Variants in ABCC2 observed in about 807,000 individuals in gnomAD.
The protein encoded by ABCC2 is ATP-binding cassette sub-family C member 2.
A neutral mutation model predicts 173.4 loss-of-function variants in ABCC2; 157 were observed. The observed-to-expected ratio is 0.91, with a 90% CI of 0.80 to 1.03. The LOEUF is 1.03. ABCC2 is among the 50% of genes least tolerant of loss of function. The probability of loss-of-function intolerance (pLI) is 0.00; values close to 1 mark genes in which losing one functional copy is unlikely to be tolerated. For missense variants in ABCC2, 1,822 were observed against 1,852.3 expected (o/e 0.98, Z 0.30); for synonymous variants, 657 against 693.5 (o/e 0.95, Z 0.83).
intron 17 of ABCC2, among the ~76,000 whole-genome samples, chr10:99,818,198 AG>A: frequency 6.6e-6 from 1 of 150,624 alleles, no homozygotes; most frequent in Non-Finnish European, 1.5e-5. Flanking sequence ...ACTCCAGCCT[AG>A]GAGATGGAGC....
intron 30 of ABCC2, among the ~76,000 whole-genome samples, chr10:99,848,787 T>G (rs1382705958): frequency 6.6e-6 from 1 of 151,988 alleles, no homozygotes; most frequent in Non-Finnish European, 1.5e-5. Context: ...CCCAGGTGAT[T>G]TTAGTGTGTA....
Position 99,843,782 on chromosome 10 carries a change from T to G in ABCC2, c.3742-17T>G. 6.2e-7 allele frequency: 1 copy of G among 1,607,944 alleles called. No homozygotes were observed. The highest frequency in any genetic ancestry group is 8.5e-7 in the Non-Finnish European group (1 of 1,174,368). On this transcript the variant is annotated splice_polypyrimidine_tract_variant and intron_variant, in intron 26 of 31. Coordinates refer to ENST00000647814, the MANE Select transcript of ABCC2 (RefSeq NM_000392.5). ...TCTGTGCCTATGATGATTTTCAGTC[T>G]TCTGGTTTTTCTGTAGATCACACAA...
At chr10:99,795,787 GAAAGAAAGAAAGAA>G (rs1564672468) in intron 6 of ABCC2, among the ~76,000 whole-genome samples, 5,543 of 144,000 alleles carry the variant, frequency 0.038, 211 homozygotes, top group Non-Finnish European at 0.053. Flanking sequence ...AAGAAAGAAA[GAAAGAAAGAAAGAA>G]AGATTTCTAA....
intron 20 of ABCC2, 30 bp downstream of exon 20, chr10:99,830,463 G>A (rs776804125): frequency 5.6e-6 from 9 of 1,614,074 alleles, no homozygotes; most frequent in African/African-American, 1.3e-5. Context: ...GGCAGCCCTC[G>A]TCAGCTCTAT....
intron 2 of ABCC2, among the ~76,000 whole-genome samples, chr10:99,790,654 C>A (rs2037796849): frequency 6.6e-6 from 1 of 152,174 alleles, no homozygotes; most frequent in African/African-American, 2.4e-5. Flanking sequence ...AGCTTACCGC[C>A]TATGAAGCTA....
intron 10 of ABCC2, 22 bp from the exon 11 acceptor site, chr10:99,805,360 T>C (rs760767107): frequency 1.2e-6 from 2 of 1,608,580 alleles, no homozygotes; most frequent in Admixed American, 1.7e-5. Context: ...ATATTGTTTT[T>C]CTTTTGCTTT....
intron 4 of ABCC2, 68 bp from the exon 5 acceptor site, chr10:99,793,824 A>G (rs2037849456): frequency 6.4e-7 from 1 of 1,565,792 alleles, no homozygotes; most frequent in Non-Finnish European, 8.8e-7. Flanking sequence ...AAGCATTGAT[A>G]TATACGGGCC....
rs373894800 is a variant in ABCC2 at position 99,831,850 on chromosome 10, C to T, written c.3103+20C>T. On this transcript the variant is annotated intron_variant, in intron 22 of 31. Transcript: ENST00000647814. ...CCCAAGGTATGTCTGATGGCTATGA[C>T]ATCTTACAGAATCTGTCTGGACCCT... is the stretch of plus-strand genomic sequence containing the variant. The T allele has an allele frequency of 9.3e-6, 15 of 1,613,056 alleles. 1 individual carries two copies. In the Admixed American group the frequency reaches 1.3e-4, roughly 14 times the overall value.
At chr10:99,783,498 G>A (rs1457239718) in intron 1 of ABCC2, among the ~76,000 whole-genome samples, 1 of 152,134 alleles carries the variant, frequency 6.6e-6, no homozygotes, top group Non-Finnish European at 1.5e-5. Context: ...AGTATCAAAG[G>A]TCTAGTGGAA....
intron 17 of ABCC2, among the ~76,000 whole-genome samples, chr10:99,818,101 T>TA (rs2038454712): frequency 6.6e-6 from 1 of 151,886 alleles, no homozygotes; most frequent in South Asian, 2.1e-4. Flanking sequence ...CAGGCGCCTG[T>TA]AGTCCCAGCT....
At chr10:99,794,094 A>T in intron 5 of ABCC2, 95 bp downstream of exon 5, 1 of 1,210,536 alleles carries the variant, frequency 8.3e-7, no homozygotes. Context: ...CGGAGGCGCC[A>T]CAAGCCCAGA....
intron 6 of ABCC2, among the ~76,000 whole-genome samples, chr10:99,795,127 G>A (rs187638482): frequency 2.0e-5 from 3 of 152,264 alleles, no homozygotes; most frequent in Non-Finnish European, 1.5e-5. Context: ...GGCACCCTTG[G>A]CCTTTATAGT....
At chr10:99,785,668 G>A (rs2037696202) in intron 2 of ABCC2, among the ~76,000 whole-genome samples, 1 of 152,076 alleles carries the variant, frequency 6.6e-6, no homozygotes, top group African/African-American at 2.4e-5. Flanking sequence ...ACAGGAGCAC[G>A]CCACCATGTC....
At chr10:99,806,077 C>CTCTCTGTGTG (rs10644836) in intron 11 of ABCC2, among the ~76,000 whole-genome samples, 5 of 148,148 alleles carry the variant, frequency 3.4e-5, no homozygotes, top group South Asian at 2.2e-4. Flanking sequence ...CTCTCTCTGT[C>CTCTCTGTGTG]TGTGTGTGTG....
At chr10:99,808,308 C>T in intron 13 of ABCC2, 79 bp downstream of exon 13, 1 of 1,558,434 alleles carries the variant, frequency 6.4e-7, no homozygotes, top group Non-Finnish European at 8.8e-7. Flanking sequence ...TATCACATCC[C>T]ATGTCTAACT....
At position 99,834,439 on chromosome 10, in the gene ABCC2, C is replaced by T; in HGVS notation, c.3318C>T (p.Phe1106=). 6.2e-7 allele frequency: 1 copy of T among 1,614,220 alleles called. No individual in the cohort carries two copies. The highest frequency in any genetic ancestry group is 2.2e-5 in the East Asian group (1 of 44,886). Residue 1106 remains phenylalanine (F), a synonymous_variant, in exon 24 of 32, where the codon TTC becomes TTT. Transcript: ENST00000647814. ...CCTTGCGCAGCTGGATTACATGCTT[C>T]CTGGGGATAATCAGCACCCTTGTCA... ...PQSLRSWITC[F]LGIISTLVMI...
intron 1 of ABCC2, among the ~76,000 whole-genome samples, chr10:99,783,189 T>C (rs2037644741): frequency 6.6e-6 from 1 of 152,214 alleles, no homozygotes; most frequent in Non-Finnish European, 1.5e-5. Flanking sequence ...AGGAGAATTG[T>C]TGTTGCATAC....
At chr10:99,807,753 A>C (rs868501759) in intron 12 of ABCC2, among the ~76,000 whole-genome samples, 1 of 152,310 alleles carries the variant, frequency 6.6e-6, no homozygotes. Flanking sequence ...GCAACTTTTC[A>C]GGATGCACAG....
intron 14 of ABCC2, 23 bp from the exon 15 acceptor site, chr10:99,811,512 TA>T (rs2038213111): frequency 1.2e-6 from 2 of 1,613,820 alleles, no homozygotes; most frequent in South Asian, 1.1e-5. Flanking sequence ...TACATTGGAC[TA>T]AAAGAGGGCT....
Sources: allele counts gnomAD v4.1 joint callset (sites outside exome capture counted in the v4.1 genomes callset), GRCh38; gene constraint gnomAD v4.1.1; transcripts MANE v1.5; gene names NCBI Gene and HGNC (gene_info 2026-07-23, HGNC 2026-07-21).